The following JAK1 variants were observed in gnomAD, a reference collection of about 807,000 sequenced individuals.
The protein encoded by JAK1 is tyrosine-protein kinase JAK1.
A neutral mutation model predicts 136.6 loss-of-function variants in JAK1; 16 were observed. The observed-to-expected ratio is 0.12, with a 90% confidence interval of 0.08 to 0.18. The LOEUF is 0.18. Ranked by LOEUF, JAK1 falls within the 10% of genes least tolerant of loss-of-function variation. The pLI, the probability that JAK1 is intolerant of heterozygous loss-of-function variation, is 1.00. For synonymous variants in JAK1, 492 were observed against 519.5 expected (o/e 0.95, Z 0.72); for missense variants, 859 against 1,450.1 (o/e 0.59, Z 6.62).
intron 1 of JAK1, among the ~76,000 whole-genome samples, chr1:65,048,635 T>C (rs1210864994): frequency 6.6e-6 from 1 of 152,224 alleles, no homozygotes; most frequent in African/African-American, 2.4e-5. Context: ...TTTAAAATAG[T>C]TCTTCGTATA....
intron 2 of JAK1, among the ~76,000 whole-genome samples, chr1:65,028,746 G>A (rs577634142): frequency 8.5e-5 from 13 of 152,166 alleles, no homozygotes; most frequent in South Asian, 4.2e-4. Context: ...TTTTACATAC[G>A]TTATCTGATT....
chr1:65,031,176 A>G (rs1057373622), intron 2 of JAK1, among the ~76,000 whole-genome samples: 3 of 148,132 alleles, frequency 2.0e-5, no homozygotes, highest in Admixed American at 6.7e-5. Flanking sequence ...AAAAAAAAAA[A>G]GGAAAAATAG....
chr1:64,839,736 C>T lies in JAK1; in HGVS notation c.2709G>A (p.Glu903=), dbSNP rs1570609203. 1 of 1,614,244 alleles carries T rather than the reference C, an allele frequency of 6.2e-7. No homozygotes were observed. Among genetic ancestry groups the T allele is most frequent in the East Asian group, 2.2e-5 (1 of 44,890 alleles). The part of the protein sequence containing the change: ...RYDPEGDNTG[E]QVAVKSLKPE... ...GCTTCAGAGATTTAACAGCCACCTGCTCCCCTGTATTGTCCCCTTCGGGGT... is the reference window on the plus strand; with the variant it reads ...GCTTCAGAGATTTAACAGCCACCTGTTCCCCTGTATTGTCCCCTTCGGGGT... Residue 903 remains glutamate, a synonymous_variant, in exon 20 of 25, where the codon GAG becomes GAA. Transcript: ENST00000342505.
At position 64,901,617 on chromosome 1, in the gene JAK1, T is replaced by C. The variant is rs142899917; in HGVS notation, c.-77-15276A>G. 1.8e-4 allele frequency among the ~76,000 whole-genome samples: 28 copies of C among 152,362 alleles called. No individual in the cohort carries two copies. The East Asian group carries it at 5.4e-3, about 29-fold the overall frequency. ...CTGTGAACCAAAACTTAGACACAGTTTTAAAAGTATTCTCTTACTTATAAT... is the reference window on the plus strand; with the variant it reads ...CTGTGAACCAAAACTTAGACACAGTCTTAAAAGTATTCTCTTACTTATAAT... On this transcript the variant is annotated intron_variant, in intron 1 of 24. Transcript: ENST00000342505.
At chr1:64,875,152 T>A (rs978052913) in intron 4 of JAK1, among the ~76,000 whole-genome samples, 1 of 152,248 alleles carries the variant, frequency 6.6e-6, no homozygotes, top group African/African-American at 2.4e-5. Flanking sequence ...TCCTTGGACA[T>A]ATGACAGTCT....
rs34061898 is a variant in JAK1, at chr1:64,909,657, C to CAA, written c.-77-23318_-77-23317dup. On this transcript the variant is annotated intron_variant, in intron 1 of 24. Transcript: ENST00000342505. ...GCAACATAGTGAAACCCCCTCTCTC[C>CAA]AAAAAAAAAAAAAAAATTTAGCCAG... Among the ~76,000 whole-genome samples, 618 of 138,950 alleles carry CAA rather than the reference C, an allele frequency of 4.4e-3. 4 individuals are homozygous for CAA. The highest frequency in any genetic ancestry group is 0.012 in the South Asian group (49 of 4,252). 91.2% of individuals were successfully genotyped at this position (138,950 alleles called of 152,430 possible). A position where few individuals can be genotyped will look rare whatever the true frequency, so the allele number is the denominator to read the frequency against.
At chr1:65,000,686 G>T (rs1646747329) in intron 2 of JAK1, among the ~76,000 whole-genome samples, 1 of 151,946 alleles carries the variant, frequency 6.6e-6, no homozygotes, top group South Asian at 2.1e-4. Flanking sequence ...AAAGGAAAAA[G>T]GTGACAAAGC....
In JAK1 at chr1:64,883,267, C is replaced by T; in HGVS notation, c.205+10G>A. 2 of 1,608,244 alleles carry T rather than the reference C, an allele frequency of 1.2e-6. No individual in the cohort carries two copies. Among genetic ancestry groups the T allele is most frequent in the Non-Finnish European group, 8.5e-7 (1 of 1,176,462 alleles). On this transcript the variant is annotated intron_variant, in intron 3 of 24. Transcript: ENST00000342505. ...GAAACCCCCAGCCCTGGGCAGCTGC[C>T]AGTACTCACGGCATGCCTGTGCAGC... is the stretch of plus-strand genomic sequence containing the variant.
At chr1:64,975,245 A>C (rs778140331) in intron 2 of JAK1, among the ~76,000 whole-genome samples, 11 of 152,138 alleles carry the variant, frequency 7.2e-5, no homozygotes, top group Non-Finnish European at 8.8e-5. Context: ...ATAGGCATGC[A>C]CCACTGCACC....
intron 1 of JAK1, among the ~76,000 whole-genome samples, chr1:64,941,704 C>T (rs535620579): frequency 6.6e-6 from 1 of 152,292 alleles, no homozygotes; most frequent in East Asian, 1.9e-4. Context: ...CATGACATGA[C>T]TAAACCTGGG....
At chr1:65,049,154 G>T (rs1647220091) in intron 1 of JAK1, among the ~76,000 whole-genome samples, 1 of 152,166 alleles carries the variant, frequency 6.6e-6, no homozygotes, top group Non-Finnish European at 1.5e-5. Context: ...TGGCATGGTG[G>T]CTCATGCCTG....
At position 64,833,979 on chromosome 1, in the gene JAK1, A is replaced by C. The variant is rs1372558137; in HGVS notation, c.*583T>G. 1.3e-5 allele frequency: 3 copies of C among 232,702 alleles called. No individual in the cohort carries two copies. Among genetic ancestry groups the C allele is most frequent in the Non-Finnish European group, 2.5e-5 (3 of 117,830 alleles). 14.4% of individuals were successfully genotyped at this position (232,702 alleles called of 1,614,324 possible). A position where few individuals can be genotyped will look rare whatever the true frequency, so the allele number is the denominator to read the frequency against. Reference sequence around the variant, plus strand: ...AAAGGAACAGGAGCTAAGCCACTGGAGAAACAAAGTTTAAGTCCTACTGGT... The same window carrying C: ...AAAGGAACAGGAGCTAAGCCACTGGCGAAACAAAGTTTAAGTCCTACTGGT... On this transcript the variant is annotated 3_prime_UTR_variant, in exon 25 of 25. Transcript: ENST00000342505.
chr1:65,041,537 C>A (rs1464486596), intron 2 of JAK1, among the ~76,000 whole-genome samples: 1 of 152,132 alleles, frequency 6.6e-6, no homozygotes, highest in Non-Finnish European at 1.5e-5. Flanking sequence ...TACCTGATGG[C>A]CTCTGTGTAA....
chr1:64,928,797 C>CAAAAAAAAACAAAAAAAAACA (rs1557699644), intron 1 of JAK1, among the ~76,000 whole-genome samples: 1 of 80,816 alleles, frequency 1.2e-5, no homozygotes, highest in African/African-American at 4.2e-5. Context: ...AAAAAAAAAA[C>CAAAAAAAAACAAAAAAAAACA]AAAAAAAAAA....
upstream of JAK1, among the ~76,000 whole-genome samples, chr1:64,968,757 C>T (rs566000230): frequency 1.1e-4 from 16 of 152,204 alleles, no homozygotes; most frequent in Non-Finnish European, 1.5e-4. Context: ...CATGGCGAAA[C>T]CCCATCTCTA....
At position 64,850,860 on chromosome 1, in the gene JAK1, C is replaced by T. The variant is rs961932195; in HGVS notation, c.1699G>A (p.Val567Ile). 50 of 1,613,958 alleles carry T rather than the reference C, an allele frequency of 3.1e-5. No homozygotes were observed. The highest frequency in any genetic ancestry group is 1.1e-4 in the East Asian group (5 of 44,880). The change falls in exon 12 of 25, where the codon GTC becomes ATC. Residue 567 changes from valine to isoleucine, a missense_variant. This residue lies in a region of JAK1 where 409 missense variants were observed against 753.8 expected (regional missense o/e 0.54). Coordinates refer to ENST00000342505, the MANE Select transcript of JAK1 (RefSeq NM_002227.4). Reference sequence around the variant, plus strand: ...AAACTCAGCTGGCTCATGGGGTAGACGGGCTGCCACTCCTGGGCTTTCTTA... The same window carrying T: ...AAACTCAGCTGGCTCATGGGGTAGATGGGCTGCCACTCCTGGGCTTTCTTA... The part of the protein sequence containing the change: ...ATKKAQEWQP[V>I]YPMSQLSFDR...
At chr1:64,914,591 G>GTC (rs1645359761) in intron 1 of JAK1, among the ~76,000 whole-genome samples, 1 of 152,170 alleles carries the variant, frequency 6.6e-6, no homozygotes, top group South Asian at 2.1e-4. Context: ...TTGAGACAGA[G>GTC]TCTCATCTGT....
intron 2 of JAK1, among the ~76,000 whole-genome samples, chr1:64,988,961 T>C (rs929308156): frequency 3.5e-5 from 5 of 142,962 alleles, no homozygotes; most frequent in Middle Eastern, 3.6e-3. Flanking sequence ...TATATATGTA[T>C]GTATGTATAT....
chr1:64,876,510 G>A (rs1251154526), intron 4 of JAK1: 1 of 152,154 alleles, frequency 6.6e-6, no homozygotes, highest in African/African-American at 2.4e-5. Context: ...CCTAAAATAA[G>A]GCCGGCAGCT....
Sources: allele counts gnomAD v4.1 joint callset (sites outside exome capture counted in the v4.1 genomes callset), GRCh38; gene constraint gnomAD v4.1.1; regional missense constraint gnomAD v4.1.1; transcripts MANE v1.5; gene names NCBI Gene and HGNC (gene_info 2026-07-23, HGNC 2026-07-21).